The following PNLIP variants were observed in gnomAD, a reference collection of about 807,000 sequenced individuals.
PNLIP encodes pancreatic lipase.
A neutral mutation model predicts 57.1 loss-of-function variants in PNLIP; 49 were observed. That is an observed-to-expected ratio of 0.86 (90% confidence interval 0.68 to 1.09). PNLIP has a LOEUF of 1.09. PNLIP is among the 50% of genes least tolerant of loss of function. PNLIP has a pLI of 0.00. For missense variants in PNLIP, 503 were observed against 570.2 expected (o/e 0.88, Z 1.20); for synonymous variants, 209 against 200.4 (o/e 1.04, Z -0.36).
chr10:116,551,441 T>C (rs993297412), intron 5 of PNLIP, among the ~76,000 whole-genome samples: 1 of 152,236 alleles, frequency 6.6e-6, no homozygotes, highest in Non-Finnish European at 1.5e-5. Flanking sequence ...CTAGTTTTTT[T>C]AAGTTAACTT....
chr10:116,559,461 A>T (rs1482694969), intron 10 of PNLIP, among the ~76,000 whole-genome samples, 178 bp downstream of exon 10: 1 of 152,174 alleles, frequency 6.6e-6, no homozygotes, highest in Non-Finnish European at 1.5e-5. Flanking sequence ...GGCAGAACGG[A>T]GTTTGGGTCC....
intron 11 of PNLIP, 46 bp downstream of exon 11, chr10:116,560,570 T>TTTTTTGG: frequency 1.3e-6 from 1 of 779,738 alleles, no homozygotes. Flanking sequence ...TTTTTTTTTT[T>TTTTTTGG]GAGTCGGAGT....
At chr10:116,559,522 T>G (rs1322801766) in intron 10 of PNLIP, among the ~76,000 whole-genome samples, 1 of 152,236 alleles carries the variant, frequency 6.6e-6, no homozygotes, top group East Asian at 1.9e-4. Context: ...ATTCTGGTGC[T>G]GAATTCAGAA....
At chr10:116,552,718 C>G (rs1027776962) in intron 5 of PNLIP, among the ~76,000 whole-genome samples, 4 of 151,994 alleles carry the variant, frequency 2.6e-5, no homozygotes, top group African/African-American at 9.7e-5. Context: ...AACCCTGTCT[C>G]TACTAAAAAT....
At chr10:116,555,673 G>T (rs1357966787) in intron 8 of PNLIP, among the ~76,000 whole-genome samples, 166 bp downstream of exon 8, 1 of 152,232 alleles carries the variant, frequency 6.6e-6, no homozygotes, top group East Asian at 1.9e-4. Flanking sequence ...AAGTGGGCAT[G>T]AGGAGACTGG....
At chr10:116,546,528 A>C (rs542233363) in intron 2 of PNLIP, among the ~76,000 whole-genome samples, 2 of 152,178 alleles carry the variant, frequency 1.3e-5, no homozygotes, top group Non-Finnish European at 2.9e-5. Flanking sequence ...CCTGAGCAAA[A>C]TTCTTAACTC....
At chr10:116,547,148 C>T in intron 2 of PNLIP, 146 bp from the exon 3 acceptor site, 1 of 707,484 alleles carries the variant, frequency 1.4e-6, no homozygotes, top group South Asian at 1.7e-5. Context: ...TCTTTTGAAG[C>T]TGTTTTGTGA....
At position 116,553,751 on chromosome 10, in the gene PNLIP, A is replaced by C. The variant is rs1217058099; in HGVS notation, c.484A>C (p.Asn162His). ...GTCGGCGTTCGGTTACTCACCTTCC[A>C]ATGTGCATGTCATTGGCCACAGCCT... is the stretch of plus-strand genomic sequence containing the variant. ...LQSAFGYSPSNVHVIGHSLGA... is the reference protein window; with the variant it reads ...LQSAFGYSPSHVHVIGHSLGA... The change falls in exon 6 of 13, where the codon AAT becomes CAT. Residue 162 changes from asparagine (N) to histidine (H), a missense_variant. Coordinates refer to ENST00000369221, the MANE Select transcript of PNLIP (RefSeq NM_000936.4). 1.9e-6 allele frequency: 3 copies of C among 1,613,080 alleles called. No individual in the cohort carries two copies. The highest frequency in any genetic ancestry group is 2.5e-6 in the Non-Finnish European group (3 of 1,179,196).
chr10:116,549,508 C>G (rs1346108214), intron 4 of PNLIP, among the ~76,000 whole-genome samples: 1 of 151,840 alleles, frequency 6.6e-6, no homozygotes, highest in African/African-American at 2.4e-5. Flanking sequence ...ACACAAAGGT[C>G]CTCCTAAGCC....
At chr10:116,551,077 T>G (rs757520668) in intron 4 of PNLIP, 21 bp from the exon 5 acceptor site, 16 of 1,548,730 alleles carry the variant, frequency 1.0e-5, no homozygotes, top group Admixed American at 3.9e-5. Context: ...ATTTATCTGT[T>G]TATTGTGCCC....
At chr10:116,553,939 C>A in intron 6 of PNLIP, 101 bp downstream of exon 6, 3 of 522,992 alleles carry the variant, frequency 5.7e-6, no homozygotes, top group South Asian at 2.9e-5. Context: ...AGACTCCTAT[C>A]TCCTTAAAAA....
chr10:116,546,440 G>T (rs925929012), intron 2 of PNLIP, among the ~76,000 whole-genome samples: 1 of 152,032 alleles, frequency 6.6e-6, no homozygotes, highest in East Asian at 1.9e-4. Context: ...ATTTTGATTT[G>T]CTAAATCTAG....
chr10:116,560,569 T>G, intron 11 of PNLIP, 45 bp downstream of exon 11: 2 of 879,258 alleles, frequency 2.3e-6, no homozygotes, highest in Non-Finnish European at 3.5e-6. Flanking sequence ...TTTTTTTTTT[T>G]TGAGTCGGAG....
intron 4 of PNLIP, among the ~76,000 whole-genome samples, chr10:116,549,892 A>G (rs1589554627): frequency 6.6e-6 from 1 of 152,224 alleles, no homozygotes; most frequent in African/African-American, 2.4e-5. Flanking sequence ...AGACGCAGAA[A>G]CAAGTGGTTT....
intron 4 of PNLIP, 59 bp from the exon 5 acceptor site, chr10:116,551,039 A>C (rs1466378347): frequency 7.2e-7 from 1 of 1,386,084 alleles, no homozygotes; most frequent in African/African-American, 1.4e-5. Flanking sequence ...CCAGTATGTT[A>C]ACTAGTAATT....
chr10:116,559,011 G>C (rs1468975098), intron 9 of PNLIP, 143 bp from the exon 10 acceptor site: 2 of 881,910 alleles, frequency 2.3e-6, no homozygotes, highest in Non-Finnish European at 3.3e-6. Flanking sequence ...GTTAATCTTT[G>C]CTGCTGAGAC....
rs201757600 is a variant in PNLIP, at chr10:116,553,787, G to A, written c.520G>A (p.Ala174Thr). The A allele has an allele frequency of 1.7e-5, 28 of 1,613,390 alleles. No homozygotes were observed. Among genetic ancestry groups the A allele is most frequent in the East Asian group, 6.7e-5 (3 of 44,840 alleles). The change falls in exon 6 of 13, where the codon GCT (alanine) becomes ACT (threonine). Residue 174 changes from alanine (A) to threonine (T), a missense_variant. Coordinates refer to ENST00000369221, the MANE Select transcript of PNLIP (RefSeq NM_000936.4). Reference sequence around the variant, plus strand: ...CATTGGCCACAGCCTGGGTGCCCACGCTGCTGGGGAGGCTGGAAGGAGAAC... The same window carrying A: ...CATTGGCCACAGCCTGGGTGCCCACACTGCTGGGGAGGCTGGAAGGAGAAC... ...HVIGHSLGAH[A>T]AGEAGRRTNG...
In PNLIP at chr10:116,567,837, A is replaced by ATTATTCTCATTCTGTT; in HGVS notation, c.*39_*40insTTATTCTCATTCTGTT. 6.8e-7 allele frequency: 1 copy of ATTATTCTCATTCTGTT among 1,465,150 alleles called. No individual in the cohort carries two copies. The highest frequency in any genetic ancestry group is 9.6e-7 in the Non-Finnish European group (1 of 1,043,984). 90.8% of individuals were successfully genotyped at this position (1,465,150 alleles called of 1,614,324 possible). A position where few individuals can be genotyped will look rare whatever the true frequency, so the allele number is the denominator to read the frequency against. ...TTTGACCAATGAATTGACTTCTAAT[A>ATTATTCTCATTCTGTT]AAATCTAGTGGTGATGCATTACATG... On this transcript the variant is annotated 3_prime_UTR_variant, in exon 13 of 13. Coordinates refer to ENST00000369221, the MANE Select transcript of PNLIP (RefSeq NM_000936.4).
In PNLIP at chr10:116,563,092, A is replaced by G. The variant is rs149560960; in HGVS notation, c.1334+1456A>G. 3.3e-5 allele frequency among the ~76,000 whole-genome samples: 5 copies of G among 152,334 alleles called. No homozygotes were observed. In the East Asian group the frequency reaches 9.6e-4, roughly 29 times the overall value. ...AAAACAAAACTGACATAGATGTTAC[A>G]TTAGCAGAGGAGAAAATTAAAACAG... On this transcript the variant is annotated intron_variant, in intron 12 of 12. Coordinates refer to ENST00000369221, the MANE Select transcript of PNLIP (RefSeq NM_000936.4).
Sources: gnomAD v4.1 joint callset for allele counts (sites outside exome capture counted in the v4.1 genomes callset) on GRCh38, gnomAD v4.1.1 for gene constraint, MANE v1.5 for transcripts, NCBI Gene and HGNC (gene_info 2026-07-23, HGNC 2026-07-21) for gene names.